Variants in RBMS3 observed in about 807,000 individuals in gnomAD.
RBMS3 encodes the protein RNA binding motif single stranded interacting protein 3, also known as RNA-binding motif, single-stranded-interacting protein 3.
Under a neutral mutation model 66.8 loss-of-function variants are expected in RBMS3, and 27 were observed. The observed-to-expected ratio is 0.40, with a 90% CI of 0.30 to 0.56. RBMS3 has a LOEUF of 0.56. Among genes scored for constraint, RBMS3 ranks in the 20% least tolerant of loss-of-function variants. RBMS3 has a pLI of 0.40. For synonymous variants in RBMS3, 188 were observed against 183.0 expected (o/e 1.03, Z -0.22); for missense variants, 513 against 549.5 (o/e 0.93, Z 0.66).
intron 14 of RBMS3, among the ~76,000 whole-genome samples, chr3:30,000,387 C>A (rs537334786): frequency 1.3e-5 from 2 of 152,122 alleles, no homozygotes; most frequent in Non-Finnish European, 2.9e-5. Context: ...AGTCAGGAAA[C>A]AACAGATGCT....
chr3:29,704,995 T>TA (rs2052808203), intron 4 of RBMS3, among the ~76,000 whole-genome samples: 1 of 152,236 alleles, frequency 6.6e-6, no homozygotes, highest in African/African-American at 2.4e-5. Flanking sequence ...ATTAAACTGT[T>TA]ACCGCATGGT....
intron 6 of RBMS3, 27 bp from the exon 7 acceptor site, chr3:29,868,831 T>C (rs1008530197): frequency 6.5e-7 from 1 of 1,549,120 alleles, no homozygotes; most frequent in Non-Finnish European, 8.8e-7. Context: ...GAGTTGTTAA[T>C]GTAGAATTGG....
chr3:29,360,901 T>C (rs1293575687), intron 1 of RBMS3, among the ~76,000 whole-genome samples: 1 of 151,980 alleles, frequency 6.6e-6, no homozygotes, highest in African/African-American at 2.4e-5. Context: ...ATTTGCTTAG[T>C]GGATCTTCCC....
chr3:29,326,920 CG>C (rs1486883143), intron 1 of RBMS3, among the ~76,000 whole-genome samples: 2 of 151,950 alleles, frequency 1.3e-5, no homozygotes, highest in Non-Finnish European at 2.9e-5. Flanking sequence ...TTAGCAGAGA[CG>C]GGGTTTCACC....
At chr3:29,318,044 T>C (rs998930930) in intron 1 of RBMS3, among the ~76,000 whole-genome samples, 1 of 151,834 alleles carries the variant, frequency 6.6e-6, no homozygotes, top group Non-Finnish European at 1.5e-5. Flanking sequence ...ATAGGAAAGA[T>C]CAAATTACCC....
chr3:29,730,996 G>A (rs544112104), intron 4 of RBMS3: 1 of 985,420 alleles, frequency 1.0e-6, no homozygotes, highest in South Asian at 4.7e-5. Flanking sequence ...CTGGCCACCT[G>A]TTCCAGGACC....
At chr3:29,878,445 C>T (rs1242947473) in intron 7 of RBMS3, among the ~76,000 whole-genome samples, 1 of 152,140 alleles carries the variant, frequency 6.6e-6, no homozygotes, top group Non-Finnish European at 1.5e-5. Context: ...GTTTCCACTA[C>T]TAGAAACACT....
chr3:29,751,362 T>C (rs1170828185), intron 5 of RBMS3, among the ~76,000 whole-genome samples: 2 of 152,216 alleles, frequency 1.3e-5, no homozygotes, highest in African/African-American at 2.4e-5. Flanking sequence ...TTATAACCTT[T>C]TGTAATTTTC....
chr3:29,373,363 A>G (rs974231016), intron 1 of RBMS3, among the ~76,000 whole-genome samples: 1 of 152,242 alleles, frequency 6.6e-6, no homozygotes, highest in Non-Finnish European at 1.5e-5. Context: ...TGGCTTCCCA[A>G]TAATACCAGC....
intron 5 of RBMS3, among the ~76,000 whole-genome samples, chr3:29,754,959 T>C (rs1359913417): frequency 1.3e-5 from 2 of 150,998 alleles, no homozygotes; most frequent in East Asian, 2.0e-4. Context: ...CCTGTACTTA[T>C]GTCTCTCTGG....
intron 6 of RBMS3, among the ~76,000 whole-genome samples, chr3:29,852,366 G>A (rs989540393): frequency 5.3e-5 from 8 of 152,186 alleles, no homozygotes; most frequent in Non-Finnish European, 8.8e-5. Flanking sequence ...AATCAACAGA[G>A]TAAACAGACA....
At chr3:29,489,280 T>A (rs769949998) in intron 3 of RBMS3, among the ~76,000 whole-genome samples, 1 of 152,104 alleles carries the variant, frequency 6.6e-6, no homozygotes, top group Non-Finnish European at 1.5e-5. Flanking sequence ...ACAAACATAA[T>A]GTGCACAAGT....
chr3:29,978,463 GA>G (rs140446745), intron 12 of RBMS3, among the ~76,000 whole-genome samples: 4,007 of 151,490 alleles, frequency 0.026, 81 homozygotes, highest in Non-Finnish European at 0.031. Flanking sequence ...AAAGCAAGCA[GA>G]AAGATTTTTT....
chr3:29,692,483 C>T (rs1055592193), intron 4 of RBMS3, among the ~76,000 whole-genome samples: 1 of 152,138 alleles, frequency 6.6e-6, no homozygotes, highest in Non-Finnish European at 1.5e-5. Context: ...AGTGACCTGA[C>T]TTGCTCACAT....
intron 4 of RBMS3, among the ~76,000 whole-genome samples, chr3:29,595,802 C>G (rs1222527140): frequency 6.6e-6 from 1 of 152,142 alleles, no homozygotes; most frequent in African/African-American, 2.4e-5. Context: ...TAGCGAATGT[C>G]AAAATTTGGT....
intron 4 of RBMS3, among the ~76,000 whole-genome samples, chr3:29,629,388 A>ATAAACCTCT (rs1167174160): frequency 6.6e-6 from 1 of 152,156 alleles, no homozygotes; most frequent in African/African-American, 2.4e-5. Context: ...ATAAATAAAA[A>ATAAACCTCT]TAAACCTCTT....
At position 29,962,015 on chromosome 3, in the gene RBMS3, T is replaced by A. The variant is rs187998875; in HGVS notation, c.1098+17761T>A. ...TATATAATATATATATTATATATTTTTATATATATTTTGTATGTATAATAT... is the reference window on the plus strand; with the variant it reads ...TATATAATATATATATTATATATTTATATATATATTTTGTATGTATAATAT... On this transcript the variant is annotated intron_variant, in intron 12 of 14. Coordinates refer to ENST00000383767, the MANE Select transcript of RBMS3 (RefSeq NM_001003793.3). Among the ~76,000 whole-genome samples, 6 of 146,066 alleles carry A rather than the reference T, an allele frequency of 4.1e-5. No individual in the cohort carries two copies. The East Asian group carries it at 1.2e-3, about 29-fold the overall frequency.
At chr3:29,950,093 T>C (rs1695577931) in intron 12 of RBMS3, among the ~76,000 whole-genome samples, 1 of 151,956 alleles carries the variant, frequency 6.6e-6, no homozygotes, top group South Asian at 2.1e-4. Context: ...TGTGCTGCTT[T>C]GCCATCCGAT....
intron 12 of RBMS3, among the ~76,000 whole-genome samples, chr3:29,950,139 C>T (rs1490417788): frequency 1.3e-5 from 2 of 151,746 alleles, no homozygotes; most frequent in Non-Finnish European, 2.9e-5. Flanking sequence ...GTCTAAAAGC[C>T]GAACACTACA....
Sources: allele counts gnomAD v4.1 joint callset (sites outside exome capture counted in the v4.1 genomes callset), GRCh38; gene constraint gnomAD v4.1.1; transcripts MANE v1.5; gene names NCBI Gene and HGNC (gene_info 2026-07-23, HGNC 2026-07-21).